The following ISCA1 variants were observed in gnomAD, a reference collection of about 807,000 sequenced individuals.
ISCA1 encodes the protein iron-sulfur cluster assembly 1 homolog, mitochondrial.
Under a neutral mutation model 14.7 loss-of-function variants are expected in ISCA1, and 9 were observed. The observed-to-expected ratio is 0.61, with a 90% CI of 0.37 to 1.07. The LOEUF (loss-of-function observed/expected upper bound fraction) is 1.07. ISCA1 is among the 50% of genes least tolerant of loss of function. ISCA1 has a pLI of 0.01. For missense variants in ISCA1, 102 were observed against 150.1 expected (o/e 0.68, Z 1.67); for synonymous variants, 38 against 54.3 (o/e 0.70, Z 1.32).
At position 86,264,748 on chromosome 9, in the gene ISCA1, C is replaced by T. The variant is rs1825274798; in HGVS notation, c.*1295G>A. 1 of 152,296 alleles carries T rather than the reference C, an allele frequency of 6.6e-6. No individual in the cohort carries two copies. Among genetic ancestry groups the T allele is most frequent in the Non-Finnish European group, 1.5e-5 (1 of 68,024 alleles). 9.4% of individuals were successfully genotyped at this position (152,296 alleles called of 1,614,324 possible). On this transcript the variant is annotated 3_prime_UTR_variant, in exon 4 of 4. Coordinates refer to ENST00000375991, the MANE Select transcript of ISCA1 (RefSeq NM_030940.4). ...ATAAACGAAACATAAAGGAACTCAG[C>T]TACTTGAATTCATGAGAATCAGCTT... is the stretch of plus-strand genomic sequence containing the variant.
In ISCA1 at chr9:86,282,407, G is replaced by A; in HGVS notation, c.52C>T (p.Leu18=). 1 of 1,554,324 alleles carries A rather than the reference G, an allele frequency of 6.4e-7. No homozygotes were observed. Among genetic ancestry groups the A allele is most frequent in the Non-Finnish European group, 8.7e-7 (1 of 1,148,972 alleles). ...GTGAGGGCTGCCCGGGTGGGCTGCA[G>A]CTTCCTCTTGCTCACAGCCCGGACA... ...ATVRAVSKRK[L]QPTRAALTLT... Residue 18 remains leucine (L), a synonymous_variant, in exon 1 of 4, where the codon CTG becomes TTG. Transcript: ENST00000375991.
chr9:86,282,250 G>T (rs745484102), intron 1 of ISCA1, 128 bp downstream of exon 1: 2 of 1,036,640 alleles, frequency 1.9e-6, no homozygotes, highest in Non-Finnish European at 1.4e-6. Context: ...TGTGCGGCGG[G>T]TCGGAGCGAC....
intron 1 of ISCA1, 122 bp from the exon 2 acceptor site, chr9:86,274,364 G>C (rs1825415801): frequency 1.2e-5 from 8 of 668,056 alleles, no homozygotes; most frequent in African/African-American, 1.8e-5. Flanking sequence ...ATTCTTGCCA[G>C]GGTACCTTAT....
At chr9:86,277,131 C>T (rs1053648185) in intron 1 of ISCA1, among the ~76,000 whole-genome samples, 4 of 152,088 alleles carry the variant, frequency 2.6e-5, no homozygotes, top group Non-Finnish European at 4.4e-5. Flanking sequence ...ATTTTCTCAA[C>T]TTTTAGCAGG....
rs191484543 is a variant in ISCA1 at position 86,275,005 on chromosome 9, G to C, written c.82-763C>G. Among the ~76,000 whole-genome samples the C allele has an allele frequency of 5.3e-4, 80 of 152,214 alleles. 1 individual carries two copies. In the East Asian group the frequency reaches 0.014, roughly 26 times the overall value. ...TCGGTGTTGCCAACCCCACTTCTTT[G>C]GGAAGGAGACTGTTCCCCGACATTC... On this transcript the variant is annotated intron_variant, in intron 1 of 3. Coordinates refer to ENST00000375991, the MANE Select transcript of ISCA1 (RefSeq NM_030940.4).
At chr9:86,271,919 T>C (rs1265647418) in intron 3 of ISCA1, 88 bp downstream of exon 3, 1 of 720,058 alleles carries the variant, frequency 1.4e-6, no homozygotes, top group East Asian at 2.6e-5. Flanking sequence ...TAATTCCTGC[T>C]ACTATCCTTA....
At chr9:86,274,040 T>C (rs1004980055) in intron 2 of ISCA1, 149 bp downstream of exon 2, 1 of 568,284 alleles carries the variant, frequency 1.8e-6, no homozygotes, top group Non-Finnish European at 3.1e-6. Flanking sequence ...AATACCCTTT[T>C]GTATTATTTG....
intron 3 of ISCA1, among the ~76,000 whole-genome samples, chr9:86,269,608 A>G (rs1825340104): frequency 6.6e-6 from 1 of 151,350 alleles, no homozygotes; most frequent in Non-Finnish European, 1.5e-5. Flanking sequence ...TTCATATGGA[A>G]CCAAAAAAAA....
At position 86,276,258 on chromosome 9, in the gene ISCA1, G is replaced by A. The variant is rs1178763773; in HGVS notation, c.82-2016C>T. Among the ~76,000 whole-genome samples, 3 of 152,016 alleles carry A rather than the reference G, an allele frequency of 2.0e-5. No homozygotes were observed. The East Asian group carries it at 5.8e-4, about 29-fold the overall frequency. On this transcript the variant is annotated intron_variant, in intron 1 of 3. Transcript: ENST00000375991. ...TTCAGACTAGGGTTTGTGCTCCTAT[G>A]AGAATCTAATGCCCCTGATGATCTG...
intron 3 of ISCA1, among the ~76,000 whole-genome samples, chr9:86,271,497 G>C (rs1233194907): frequency 1.3e-5 from 2 of 152,162 alleles, no homozygotes; most frequent in Admixed American, 6.6e-5. Context: ...TGTCATGTCA[G>C]CACCCACTTT....
chr9:86,269,191 C>T (rs1825333186), intron 3 of ISCA1, among the ~76,000 whole-genome samples: 1 of 152,190 alleles, frequency 6.6e-6, no homozygotes, highest in South Asian at 2.1e-4. Context: ...CACCCGACCA[C>T]ATTTGATCTT....
At chr9:86,268,927 T>C (rs140273756) in intron 3 of ISCA1, among the ~76,000 whole-genome samples, 219 of 152,216 alleles carry the variant, frequency 1.4e-3, no homozygotes, top group Non-Finnish European at 1.9e-3. Flanking sequence ...TCCCAGTAGC[T>C]GGGACTACAG....
At chr9:86,280,184 C>G (rs1825492447) in intron 1 of ISCA1, among the ~76,000 whole-genome samples, 1 of 152,136 alleles carries the variant, frequency 6.6e-6, no homozygotes, top group Non-Finnish European at 1.5e-5. Flanking sequence ...CGACTGTGCC[C>G]CGTAGGCTGG....
intron 3 of ISCA1, 50 bp downstream of exon 3, chr9:86,271,954 CTAA>C (rs2131222890): frequency 1.1e-6 from 1 of 945,506 alleles, no homozygotes; most frequent in African/African-American, 1.6e-5. Context: ...CTGTGCAAGG[CTAA>C]TAATTTTAGG....
intron 3 of ISCA1, among the ~76,000 whole-genome samples, chr9:86,269,396 C>T (rs1203480454): frequency 6.6e-6 from 1 of 152,072 alleles, no homozygotes; most frequent in Non-Finnish European, 1.5e-5. Context: ...ACGTGAAGGA[C>T]CTCTTCAAGG....
chr9:86,273,770 G>A (rs146465267), intron 2 of ISCA1, among the ~76,000 whole-genome samples: 2 of 152,148 alleles, frequency 1.3e-5, no homozygotes, highest in South Asian at 2.1e-4. Context: ...TCACCTCTCC[G>A]TATCGGTGGG....
In ISCA1 at chr9:86,270,939, T is replaced by C. The variant is rs1404231697; in HGVS notation, c.241+1068A>G. Among the ~76,000 whole-genome samples the C allele has an allele frequency of 6.8e-5, 7 of 103,096 alleles. No homozygotes were observed. In the Admixed American group the frequency reaches 9.0e-4, roughly 13 times the overall value. The allele number at this position is 103,096 out of a possible 152,430, so 67.6% of individuals were successfully genotyped here. On this transcript the variant is annotated intron_variant, in intron 3 of 3. Coordinates refer to ENST00000375991, the MANE Select transcript of ISCA1 (RefSeq NM_030940.4). ...AGGGAACATCACACTCTGGGGACTG[T>C]TGTGGGGCGGGGGGAGGGGGGAGGG...
At position 86,274,261 on chromosome 9, in the gene ISCA1, GT is replaced by G; in HGVS notation, c.82-20del. On this transcript the variant is annotated intron_variant, in intron 1 of 3. Coordinates refer to ENST00000375991, the MANE Select transcript of ISCA1 (RefSeq NM_030940.4). ...AAGGTGTCTGAAAAAAGAAAATGAT[GT>G]TTTTAGCTACAAAACTTGTTATTCA... 4 of 1,526,462 alleles carry G rather than the reference GT, an allele frequency of 2.6e-6. No homozygotes were observed. The highest frequency in any genetic ancestry group is 1.4e-5 in the African/African-American group (1 of 73,172). The allele number at this position is 1,526,462 out of a possible 1,614,324, so 94.6% of individuals were successfully genotyped here.
At position 86,265,464 on chromosome 9, in the gene ISCA1, G is replaced by C. The variant is rs1479104651; in HGVS notation, c.*579C>G. 6.5e-6 allele frequency: 1 copy of C among 153,888 alleles called. No homozygotes were observed. The highest frequency in any genetic ancestry group is 1.4e-5 in the Non-Finnish European group (1 of 69,182). 9.5% of individuals were successfully genotyped at this position (153,888 alleles called of 1,614,324 possible). ...AAAAGAAATGGATTAAAAAAAGGCG[G>C]ATGACGTCTTTCTCACCTTTTGATA... On this transcript the variant is annotated 3_prime_UTR_variant, in exon 4 of 4. Transcript: ENST00000375991.
Sources: gnomAD v4.1 joint callset for allele counts (sites outside exome capture counted in the v4.1 genomes callset) on GRCh38, gnomAD v4.1.1 for gene constraint, MANE v1.5 for transcripts, NCBI Gene and HGNC (gene_info 2026-07-23, HGNC 2026-07-21) for gene names.